GPS1: variants seen among roughly 807,000 people sequenced by gnomAD.
GPS1 encodes COP9 signalosome complex subunit 1.
A neutral mutation model predicts 60.0 loss-of-function variants in GPS1; 11 were observed. The observed-to-expected ratio is 0.18, with a 90% confidence interval of 0.12 to 0.30. GPS1 has a LOEUF of 0.30. Ranked by LOEUF, GPS1 falls within the 10% of genes least tolerant of loss-of-function variation. The pLI is 1.00. For synonymous variants in GPS1, 343 were observed against 269.8 expected (o/e 1.27, Z -2.66); for missense variants, 543 against 669.2 (o/e 0.81, Z 2.08).
intron 1 of GPS1, chr17:82,052,225 G>T: frequency 6.4e-7 from 1 of 1,571,634 alleles, no homozygotes; most frequent in East Asian, 2.3e-5. Context: ...GTTCCCGGCC[G>T]CCCCGACGCT....
At position 82,056,079 on chromosome 17, in the gene GPS1, A is replaced by G; in HGVS notation, c.913A>G (p.Asn305Asp). The change falls in exon 8 of 13, where the codon AAT (asparagine) becomes GAT (aspartate). Residue 305 changes from asparagine (N) to aspartate (D), a missense_variant. Transcript: ENST00000578552. ...CTTTGACCGGCAGGAGCTGCAGCGC[A>G]ATGTCATCTCCAGCAGGTAGGTGCC... ...ATFDRQELQR[N>D]VISSSSFKLF... 6.2e-7 allele frequency: 1 copy of G among 1,612,170 alleles called. No homozygotes were observed. The highest frequency in any genetic ancestry group is 8.5e-7 in the Non-Finnish European group (1 of 1,179,582).
In GPS1 at chr17:82,051,991, T is replaced by TCCGCGCCC. The variant is rs1159656860; in HGVS notation, c.33+38_33+45dup. ...TAACGAGCCGAGGCCGCCCCGGGCCTCCGCGCCCCCGCGCCCCCCGCCACT... is the reference window on the plus strand; with the variant it reads ...TAACGAGCCGAGGCCGCCCCGGGCCTCCGCGCCCCCGCGCCCCCGCGCCCCCCGCCACT... On this transcript the variant is annotated intron_variant, in intron 1 of 12. Coordinates refer to ENST00000578552, the MANE Select transcript of GPS1 (RefSeq NM_001321092.3). The surrounding 1 kb of genome is among the most constrained non-coding windows in gnomAD (Gnocchi z 4.1). The TCCGCGCCC allele has an allele frequency of 4.3e-5, 50 of 1,149,922 alleles. No homozygotes were observed. Among genetic ancestry groups the TCCGCGCCC allele is most frequent in the Non-Finnish European group, 4.7e-5 (44 of 934,780 alleles). 71.2% of individuals were successfully genotyped at this position (1,149,922 alleles called of 1,614,324 possible). A position where few individuals can be genotyped will look rare whatever the true frequency, so the allele number is the denominator to read the frequency against.
chr17:82,053,452 G>A, intron 2 of GPS1, 86 bp downstream of exon 2: 12 of 972,590 alleles, frequency 1.2e-5, no homozygotes, highest in Non-Finnish European at 1.7e-5. Context: ...TGCACAGCAG[G>A]TAGAATGATC....
upstream of GPS1, chr17:82,051,329 G>A: frequency 6.9e-7 from 1 of 1,454,970 alleles, no homozygotes; most frequent in Non-Finnish European, 9.0e-7. The surrounding 1 kb of genome is among the most constrained non-coding windows in gnomAD (Gnocchi z 4.1). Flanking sequence ...GTCCCCGTCG[G>A]TGAAGATAAA....
In GPS1 at chr17:82,056,994, G is replaced by T. The variant is rs1285081528; in HGVS notation, c.1389+20G>T. The T allele has an allele frequency of 2.5e-6, 4 of 1,612,464 alleles. No individual in the cohort carries two copies. The highest frequency in any genetic ancestry group is 3.4e-6 in the Non-Finnish European group (4 of 1,179,736). On this transcript the variant is annotated intron_variant, in intron 12 of 12. Transcript: ENST00000578552. Reference sequence around the variant, plus strand: ...GTCAAGGTGGGCTGGCTTGAGGGGGGGCAGGCGCACGGCGTGTGGGGCCTG... The same window carrying T: ...GTCAAGGTGGGCTGGCTTGAGGGGGTGCAGGCGCACGGCGTGTGGGGCCTG...
At chr17:82,051,644 C>T, upstream of GPS1, 27 of 766,578 alleles carry the variant, frequency 3.5e-5, no homozygotes, top group Non-Finnish European at 4.3e-5. The surrounding 1 kb of genome is among the most constrained non-coding windows in gnomAD (Gnocchi z 4.1). Flanking sequence ...CGCGCGGGGC[C>T]GGGGCGGGGG....
upstream of GPS1, chr17:82,051,791 G>A (rs1352560107): frequency 1.1e-5 from 12 of 1,123,132 alleles, 1 homozygote; most frequent in Admixed American, 5.0e-4. The surrounding 1 kb of genome is among the most constrained non-coding windows in gnomAD (Gnocchi z 4.1). Context: ...CCCCGGCGCT[G>A]CGAGCGGAGA....
At chr17:82,054,290 C>G in intron 3 of GPS1, 1 of 763,638 alleles carries the variant, frequency 1.3e-6, no homozygotes, top group East Asian at 2.7e-5. Flanking sequence ...CAGGGGCCGC[C>G]TCCCTGCTGG....
rs367679480 is a variant in GPS1 at position 82,052,463 on chromosome 17, C to T, written c.33+499C>T. On this transcript the variant is annotated intron_variant, in intron 1 of 12. Coordinates refer to ENST00000578552, the MANE Select transcript of GPS1 (RefSeq NM_001321092.3). ...GGCCTGTACGCTGCTCTACGAGGTA[C>T]CTTCCAGGACAGGGACCCCCGAGCG... The T allele has an allele frequency of 2.7e-4, 432 of 1,608,748 alleles. 1 individual carries two copies. In the Middle Eastern group the frequency reaches 8.0e-3, roughly 30 times the overall value.
rs910929184 is a variant in GPS1 at position 82,053,345 on chromosome 17, C to T, written c.105C>T (p.Tyr35=). ...CGCAGAATGCACCTGACGTCAACTA[C>T]GTGGTGGAGAACCCCAGCCTGGTAC... is the stretch of plus-strand genomic sequence containing the variant. The part of the protein sequence containing the change: ...EDPQNAPDVN[Y]VVENPSLDLE... Residue 35 remains tyrosine, a synonymous_variant, in exon 2 of 13, where the codon TAC becomes TAT. Coordinates refer to ENST00000578552, the MANE Select transcript of GPS1 (RefSeq NM_001321092.3). 14 of 1,527,770 alleles carry T rather than the reference C, an allele frequency of 9.2e-6. No homozygotes were observed. Among genetic ancestry groups the T allele is most frequent in the African/African-American group, 8.6e-5 (6 of 69,512 alleles). The allele number at this position is 1,527,770 out of a possible 1,614,324, so 94.6% of individuals were successfully genotyped here.
At chr17:82,054,351 T>C (rs969675570) in intron 3 of GPS1, 159 bp from the exon 4 acceptor site, 10 of 988,962 alleles carry the variant, frequency 1.0e-5, no homozygotes, top group Non-Finnish European at 1.4e-5. Flanking sequence ...TCTGTGGCCC[T>C]GGTGCAGACT....
chr17:82,057,269 G>A lies in GPS1; in HGVS notation c.*142G>A. ...CACCCAGCCTGTGTGCCCTCCCTGG[G>A]GCTGAGGAGGCAGGCGGCTGCTAGT... is the stretch of plus-strand genomic sequence containing the variant. On this transcript the variant is annotated 3_prime_UTR_variant, in exon 13 of 13. Coordinates refer to ENST00000578552, the MANE Select transcript of GPS1 (RefSeq NM_001321092.3). 9.3e-7 allele frequency: 1 copy of A among 1,077,064 alleles called. No individual in the cohort carries two copies. The highest frequency in any genetic ancestry group is 1.3e-5 in the South Asian group (1 of 75,482). 66.7% of individuals were successfully genotyped at this position (1,077,064 alleles called of 1,614,324 possible). A position where few individuals can be genotyped will look rare whatever the true frequency, so the allele number is the denominator to read the frequency against.
chr17:82,051,977 G>T lies in GPS1; in HGVS notation c.33+13G>T. On this transcript the variant is annotated intron_variant, in intron 1 of 12. Transcript: ENST00000578552. The surrounding 1 kb of genome is among the most constrained non-coding windows in gnomAD (Gnocchi z 4.1). ...GTTTAACTTGCAGGTAACGAGCCGA[G>T]GCCGCCCCGGGCCTCCGCGCCCCCG... The T allele has an allele frequency of 8.6e-7, 1 of 1,156,916 alleles. No homozygotes were observed. 71.7% of individuals were successfully genotyped at this position (1,156,916 alleles called of 1,614,324 possible).
chr17:82,057,101 C>A lies in GPS1; in HGVS notation c.1438C>A (p.Gln480Lys). Residue 480 changes from glutamine (Q) to lysine (K), a missense_variant, in exon 13 of 13, where the codon CAG (glutamine) becomes AAG (lysine). Transcript: ENST00000578552. ...SQGELTPANS[Q>K]SRMSTNM Reference sequence around the variant, plus strand: ...GGGGGAGCTGACTCCAGCCAACAGCCAGTCCCGGATGAGCACCAACATGTG... The same window carrying A: ...GGGGGAGCTGACTCCAGCCAACAGCAAGTCCCGGATGAGCACCAACATGTG... 1 of 1,575,766 alleles carries A rather than the reference C, an allele frequency of 6.3e-7. No homozygotes were observed. Among genetic ancestry groups the A allele is most frequent in the Non-Finnish European group, 8.6e-7 (1 of 1,158,862 alleles).
chr17:82,053,404 C>G (rs749036902), intron 2 of GPS1, 38 bp downstream of exon 2: 20 of 1,389,192 alleles, frequency 1.4e-5, no homozygotes, highest in Non-Finnish European at 1.7e-5. Context: ...GTGTCTCAGT[C>G]CTGCTGAGGG....
chr17:82,056,456 A>G lies in GPS1; in HGVS notation c.1036-14A>G. 2 of 1,613,068 alleles carry G rather than the reference A, an allele frequency of 1.2e-6. No homozygotes were observed. The highest frequency in any genetic ancestry group is 1.7e-6 in the Non-Finnish European group (2 of 1,179,966). ...CTGGCCTCCTGTCCTGGTCCTGACC[A>G]GCCCCTTCCCCAGGACAACCTGCTC... On this transcript the variant is annotated splice_polypyrimidine_tract_variant and intron_variant, in intron 9 of 12. Coordinates refer to ENST00000578552, the MANE Select transcript of GPS1 (RefSeq NM_001321092.3).
In GPS1 at chr17:82,056,990, G is replaced by C. The variant is rs368822542; in HGVS notation, c.1389+16G>C. 114 of 1,612,312 alleles carry C rather than the reference G, an allele frequency of 7.1e-5. No homozygotes were observed. Among genetic ancestry groups the C allele is most frequent in the Non-Finnish European group, 9.2e-5 (108 of 1,179,706 alleles). On this transcript the variant is annotated intron_variant, in intron 12 of 12. Coordinates refer to ENST00000578552, the MANE Select transcript of GPS1 (RefSeq NM_001321092.3). ...CCATGTCAAGGTGGGCTGGCTTGAG[G>C]GGGGGCAGGCGCACGGCGTGTGGGG...
At chr17:82,057,025 T>C (rs1204418825) in intron 12 of GPS1, 28 bp from the exon 13 acceptor site, 1 of 1,609,920 alleles carries the variant, frequency 6.2e-7, no homozygotes, top group East Asian at 2.2e-5. Context: ...GCCTGGTGGC[T>C]GTGAGCTGCT....
At chr17:82,056,228 G>A in intron 8 of GPS1, 58 bp from the exon 9 acceptor site, 1 of 1,388,884 alleles carries the variant, frequency 7.2e-7, no homozygotes, top group Non-Finnish European at 1.0e-6. Context: ...GTGTCCCACT[G>A]GCCACTTGGA....
Sources: gnomAD v4.1 joint callset for allele counts on GRCh38, gnomAD v4.1.1 for gene constraint, Gnocchi (gnomAD v3.1) non-coding constraint, MANE v1.5 for transcripts, NCBI Gene and HGNC (gene_info 2026-07-23, HGNC 2026-07-21) for gene names.